Variants in ADGRL3 observed in about 807,000 individuals in gnomAD.
ADGRL3 encodes adhesion G protein-coupled receptor L3, also known as calcium-independent alpha-latrotoxin receptor 3.
ADGRL3 carries 62 observed loss-of-function variants against 153.5 expected under a neutral mutation model. The observed-to-expected ratio is 0.40, with a 90% CI of 0.33 to 0.50. The LOEUF (loss-of-function observed/expected upper bound fraction) is 0.50. Among genes scored for constraint, ADGRL3 ranks in the 20% least tolerant of loss-of-function variants. ADGRL3 has a pLI of 0.47. For synonymous variants in ADGRL3, 710 were observed against 672.5 expected (o/e 1.06, Z -0.86); for missense variants, 1,641 against 1,859.4 (o/e 0.88, Z 2.16).
chr4:62,006,030 A>ATTTTT (rs1345713033), intron 21 of ADGRL3, among the ~76,000 whole-genome samples: 10 of 80,256 alleles, frequency 1.2e-4, no homozygotes, highest in East Asian at 6.2e-4. Flanking sequence ...ATATATATAT[A>ATTTTT]TATTTTTTTT....
At chr4:61,755,189 G>A (rs1186202711) in intron 8 of ADGRL3, among the ~76,000 whole-genome samples, 4 of 152,074 alleles carry the variant, frequency 2.6e-5, no homozygotes, top group African/African-American at 7.2e-5. Context: ...CTGAGGAATC[G>A]CCACACTGAC....
chr4:61,284,074 A>G (rs2093829354), intron 1 of ADGRL3, among the ~76,000 whole-genome samples: 1 of 151,994 alleles, frequency 6.6e-6, no homozygotes, highest in Non-Finnish European at 1.5e-5. Flanking sequence ...TGTCCTTGAT[A>G]AAATAACCTG....
At chr4:61,749,364 A>G (rs1017023709) in intron 8 of ADGRL3, among the ~76,000 whole-genome samples, 3 of 152,194 alleles carry the variant, frequency 2.0e-5, no homozygotes, top group Non-Finnish European at 4.4e-5. Context: ...TACTGGGTAT[A>G]TACCCAAAGG....
chr4:61,711,493 C>CATATATATATATAT (rs1554009889), intron 6 of ADGRL3, among the ~76,000 whole-genome samples: 1 of 31,924 alleles, frequency 3.1e-5, no homozygotes, highest in African/African-American at 9.3e-5. Context: ...TATATATATA[C>CATATATATATATAT]ACACACACAC....
Position 62,037,814 on chromosome 4 carries a change from A to C in ADGRL3, c.3675A>C (p.Thr1225=), listed in dbSNP as rs1171747675. ...AGAGTTCCATTGGTTCAGGGAAAAC[A>C]TCTGGTTCTCGAACTCCTGGACGCT... ...STESSIGSGK[T]SGSRTPGRYS... is the part of the protein sequence containing the mutation. Residue 1225 remains threonine (T), a synonymous_variant, in exon 24 of 27, where the codon ACA becomes ACC. Transcript: ENST00000683033. 6.2e-7 allele frequency: 1 copy of C among 1,613,736 alleles called. No homozygotes were observed. Among genetic ancestry groups the C allele is most frequent in the African/African-American group, 1.3e-5 (1 of 75,030 alleles).
intron 6 of ADGRL3, among the ~76,000 whole-genome samples, chr4:61,715,947 TAAAAAAA>T (rs59481591): frequency 5.9e-5 from 5 of 85,430 alleles, no homozygotes; most frequent in South Asian, 3.8e-4. Context: ...GCCCTTAAAG[TAAAAAAA>T]AAAAAAAAAA....
At chr4:61,430,313 G>A (rs1184368746) in intron 2 of ADGRL3, among the ~76,000 whole-genome samples, 1 of 152,150 alleles carries the variant, frequency 6.6e-6, no homozygotes, top group South Asian at 2.1e-4. Context: ...CAGGTATGAA[G>A]GATATGTCAT....
chr4:61,639,154 G>A (rs1020317785), intron 5 of ADGRL3, among the ~76,000 whole-genome samples: 1 of 152,092 alleles, frequency 6.6e-6, no homozygotes, highest in Non-Finnish European at 1.5e-5. Context: ...ACAATTCAAA[G>A]TGCCTTTGTA....
At chr4:62,052,011 G>A (rs1734465526) in intron 25 of ADGRL3, among the ~76,000 whole-genome samples, 1 of 151,398 alleles carries the variant, frequency 6.6e-6, no homozygotes, top group Non-Finnish European at 1.5e-5. Context: ...GATAAATTTG[G>A]TGTTTCTCCT....
At chr4:61,687,892 T>C (rs1580285305) in intron 6 of ADGRL3, among the ~76,000 whole-genome samples, 1 of 152,096 alleles carries the variant, frequency 6.6e-6, no homozygotes, top group Admixed American at 6.6e-5. Flanking sequence ...GCTTTGTATG[T>C]ATTATTTTAA....
chr4:61,480,725 A>G (rs571917589), intron 2 of ADGRL3, among the ~76,000 whole-genome samples: 9 of 152,156 alleles, frequency 5.9e-5, no homozygotes, highest in South Asian at 2.1e-4. Context: ...AGAGGTTGCC[A>G]TGAGCCGAGA....
chr4:62,004,297 G>A (rs529493078), intron 21 of ADGRL3, among the ~76,000 whole-genome samples: 6 of 151,670 alleles, frequency 4.0e-5, no homozygotes, highest in African/African-American at 7.3e-5. Context: ...AAATTATCTC[G>A]TTTCTATACT....
intron 6 of ADGRL3, among the ~76,000 whole-genome samples, chr4:61,709,129 C>T (rs1308969320): frequency 1.3e-5 from 2 of 151,998 alleles, no homozygotes; most frequent in African/African-American, 4.8e-5. Flanking sequence ...ACTTCAAGGC[C>T]TATTATACAC....
chr4:61,395,308 T>G (rs1338664450), intron 2 of ADGRL3, among the ~76,000 whole-genome samples: 4 of 151,996 alleles, frequency 2.6e-5, no homozygotes, highest in African/African-American at 9.6e-5. Flanking sequence ...AAAGAATTGC[T>G]AATAGGACAA....
At chr4:61,492,454 C>T (rs558684528) in intron 2 of ADGRL3, among the ~76,000 whole-genome samples, 1 of 152,094 alleles carries the variant, frequency 6.6e-6, no homozygotes, top group East Asian at 1.9e-4. Flanking sequence ...GTAGCTAACA[C>T]ATTCCCAGGA....
chr4:61,437,123 A>G (rs763385537), intron 2 of ADGRL3, among the ~76,000 whole-genome samples: 5 of 152,210 alleles, frequency 3.3e-5, no homozygotes, highest in Non-Finnish European at 7.3e-5. Context: ...ATATTGTTAC[A>G]TTTAAATTTA....
Position 61,747,527 on chromosome 4 carries a change from T to A in ADGRL3, c.1399+13973T>A, listed in dbSNP as rs1423074757. 2.8e-4 allele frequency among the ~76,000 whole-genome samples: 41 copies of A among 145,960 alleles called. 1 individual carries two copies. The highest frequency in any genetic ancestry group is 1.0e-3 in the African/African-American group (39 of 38,356). ...ATCCACCATGATCAAGTGGGCTTCATCCCTGGGATGCAAGGCTGGTTCAAT... is the reference window on the plus strand; with the variant it reads ...ATCCACCATGATCAAGTGGGCTTCAACCCTGGGATGCAAGGCTGGTTCAAT... On this transcript the variant is annotated intron_variant, in intron 8 of 26. Coordinates refer to ENST00000683033, the MANE Select transcript of ADGRL3 (RefSeq NM_001387552.1).
At chr4:61,338,109 A>G (rs550930099) in intron 1 of ADGRL3, among the ~76,000 whole-genome samples, 3 of 151,872 alleles carry the variant, frequency 2.0e-5, no homozygotes, top group Admixed American at 6.6e-5. Context: ...TACTAAAAAT[A>G]ATAATAATAA....
Position 62,071,896 on chromosome 4 carries a change from T to C in ADGRL3, c.*988T>C. 1 of 315,972 alleles carries C rather than the reference T, an allele frequency of 3.2e-6. No individual in the cohort carries two copies. The highest frequency in any genetic ancestry group is 2.2e-5 in the African/African-American group (1 of 44,904). 19.6% of individuals were successfully genotyped at this position (315,972 alleles called of 1,614,324 possible). A position where few individuals can be genotyped will look rare whatever the true frequency, so the allele number is the denominator to read the frequency against. On this transcript the variant is annotated 3_prime_UTR_variant, in exon 27 of 27. Coordinates refer to ENST00000683033, the MANE Select transcript of ADGRL3 (RefSeq NM_001387552.1). ...ATAAAATTAGACTTCCTTCCCTCAC[T>C]ATATATCTTTATGCAGTCAGAATAT...
Sources: gnomAD v4.1 joint callset for allele counts (sites outside exome capture counted in the v4.1 genomes callset) on GRCh38, gnomAD v4.1.1 for gene constraint, MANE v1.5 for transcripts, NCBI Gene and HGNC (gene_info 2026-07-23, HGNC 2026-07-21) for gene names.